The following DOCK9 variants were observed in gnomAD, a reference collection of about 807,000 sequenced individuals.
The protein encoded by DOCK9 is dedicator of cytokinesis 9, also known as dedicator of cytokinesis protein 9.
DOCK9 carries 89 observed loss-of-function variants against 263.3 expected under a neutral mutation model. The observed-to-expected ratio is 0.34, with a 90% CI of 0.28 to 0.40. The LOEUF is 0.40. Ranked by LOEUF, DOCK9 falls within the 10% of genes least tolerant of loss-of-function variation. DOCK9 has a pLI of 1.00. For synonymous variants in DOCK9, 976 were observed against 973.1 expected (o/e 1.00, Z -0.06); for missense variants, 2,140 against 2,603.4 (o/e 0.82, Z 3.87).
intron 39 of DOCK9, among the ~76,000 whole-genome samples, chr13:98,835,733 CTTTTTTTTTTTTTTT>C (rs142745340): frequency 2.1e-4 from 17 of 79,372 alleles, no homozygotes; most frequent in Admixed American, 4.7e-4. Flanking sequence ...CTTTACAACT[CTTTTTTTTTTTTTTT>C]TTTTTTTTTT....
In DOCK9 at chr13:98,888,152, A is replaced by C. The variant is rs3737023; in HGVS notation, c.2043+6T>G. On this transcript the variant is annotated splice_donor_region_variant and intron_variant, in intron 18 of 52. Coordinates refer to ENST00000682017, the MANE Select transcript of DOCK9 (RefSeq NM_001366683.2). ...GTAGGTGAACATATATTAAAAAAAAACAAACCTTAAGGGGCTGAGAGTCTT... is the reference window on the plus strand; with the variant it reads ...GTAGGTGAACATATATTAAAAAAAACCAAACCTTAAGGGGCTGAGAGTCTT... The C allele has an allele frequency of 0.18, 290,441 of 1,577,978 alleles. 28,056 individuals are homozygous for C. Among genetic ancestry groups the C allele is most frequent in the South Asian group, 0.28 (23,775 of 84,190 alleles).
intron 12 of DOCK9, 96 bp downstream of exon 12, chr13:98,902,192 T>C: frequency 7.7e-7 from 1 of 1,302,184 alleles, no homozygotes; most frequent in Non-Finnish European, 1.0e-6. Context: ...TGACCCCACT[T>C]GTGCATTACA....
chr13:98,979,075 C>G (rs1488217778), upstream of DOCK9, among the ~76,000 whole-genome samples: 2 of 152,036 alleles, frequency 1.3e-5, no homozygotes, highest in African/African-American at 4.8e-5. Context: ...TTCCTAGTTA[C>G]TCTGAGTATT....
intron 1 of DOCK9, among the ~76,000 whole-genome samples, chr13:98,983,105 T>G (rs990628097): frequency 6.6e-6 from 1 of 152,186 alleles, no homozygotes; most frequent in Non-Finnish European, 1.5e-5. Context: ...AGAAGGATAC[T>G]TATAACAAAG....
chr13:98,980,460 A>C (rs921651129), upstream of DOCK9, among the ~76,000 whole-genome samples: 2 of 152,254 alleles, frequency 1.3e-5, no homozygotes, highest in Non-Finnish European at 2.9e-5. Flanking sequence ...ACGCTTAACC[A>C]TGATACTATG....
intron 23 of DOCK9, 107 bp downstream of exon 23, chr13:98,882,935 T>C (rs985626891): frequency 2.3e-6 from 2 of 867,096 alleles, no homozygotes; most frequent in East Asian, 5.2e-5. Flanking sequence ...ATGTGAGACA[T>C]CCAGGTAAGA....
At chr13:98,953,478 T>C (rs1345639107) in intron 2 of DOCK9, among the ~76,000 whole-genome samples, 1 of 152,236 alleles carries the variant, frequency 6.6e-6, no homozygotes, top group African/African-American at 2.4e-5. Flanking sequence ...CAACTAACTG[T>C]ATCTCGTTTC....
intron 30 of DOCK9, among the ~76,000 whole-genome samples, chr13:98,865,354 G>A (rs1344487491): frequency 6.6e-6 from 1 of 152,110 alleles, no homozygotes; most frequent in Non-Finnish European, 1.5e-5. Flanking sequence ...TTGTAAGTGC[G>A]AGCCACTGCA....
chr13:99,015,004 T>TCCCC (rs373724003), intron 1 of DOCK9, among the ~76,000 whole-genome samples: 5 of 151,348 alleles, frequency 3.3e-5, no homozygotes, highest in African/African-American at 1.2e-4. Context: ...TTTAAATTTC[T>TCCCC]CCCCCCCGCA....
chr13:99,071,408 T>G lies in DOCK9; in HGVS notation c.129+14815A>C, dbSNP rs1359241323. ...ACCTTGGCCTTCCAAAGTGCTGCAA[T>G]TACAGGCGTGAGTCACTGTGCCCTG... On this transcript the variant is annotated intron_variant, in intron 1 of 32. Transcript: ENST00000427887. Among the ~76,000 whole-genome samples, 6 of 148,366 alleles carry G rather than the reference T, an allele frequency of 4.0e-5. No individual in the cohort carries two copies. In the East Asian group the frequency reaches 1.2e-3, roughly 30 times the overall value.
intron 1 of DOCK9, among the ~76,000 whole-genome samples, chr13:99,072,088 C>A (rs146747593): frequency 1.3e-5 from 2 of 152,312 alleles, no homozygotes; most frequent in South Asian, 4.1e-4. Flanking sequence ...CCTTGATTGG[C>A]TCTGTCATAA....
intron 1 of DOCK9, among the ~76,000 whole-genome samples, chr13:99,085,705 G>T (rs1037297259): frequency 3.9e-4 from 59 of 152,008 alleles, no homozygotes; most frequent in Non-Finnish European, 1.3e-4. Context: ...AGAGGATGCC[G>T]AAGTCCTTCC....
rs1441503371 is a variant in DOCK9 at position 98,891,227 on chromosome 13, A to T, written c.1710-2516T>A. ...CTTGTGGAGCCTCTCTCAGCTTCAC[A>T]TAGAACTCTTCAGGGGCATCAACCT... On this transcript the variant is annotated intron_variant, in intron 15 of 52. Coordinates refer to ENST00000682017, the MANE Select transcript of DOCK9 (RefSeq NM_001366683.2). Among the ~76,000 whole-genome samples, 7 of 152,248 alleles carry T rather than the reference A, an allele frequency of 4.6e-5. No homozygotes were observed. The South Asian group carries it at 1.0e-3, about 23-fold the overall frequency.
chr13:98,986,720 C>T (rs1419229060), intron 1 of DOCK9, among the ~76,000 whole-genome samples: 3 of 152,118 alleles, frequency 2.0e-5, no homozygotes, highest in Non-Finnish European at 4.4e-5. Context: ...CTTAAGAGAC[C>T]GCCAAGAAAT....
At chr13:99,032,458 G>C (rs1458886327) in intron 1 of DOCK9, among the ~76,000 whole-genome samples, 1 of 150,706 alleles carries the variant, frequency 6.6e-6, no homozygotes, top group African/African-American at 2.4e-5. Flanking sequence ...ACTTCAGCCT[G>C]GGCAACAGAG....
intron 1 of DOCK9, among the ~76,000 whole-genome samples, chr13:99,079,162 GC>G (rs922605264): frequency 2.0e-5 from 3 of 152,208 alleles, no homozygotes; most frequent in African/African-American, 7.2e-5. Context: ...AGCCCTCCAA[GC>G]AAAAAGTTTA....
At chr13:99,025,998 C>G (rs1340373264) in intron 1 of DOCK9, among the ~76,000 whole-genome samples, 2 of 122,474 alleles carry the variant, frequency 1.6e-5, no homozygotes, top group Non-Finnish European at 3.5e-5. Flanking sequence ...TATCTAGAGA[C>G]AGAAAGCAGA....
chr13:99,031,466 G>A (rs373308040), intron 1 of DOCK9, among the ~76,000 whole-genome samples: 32 of 152,310 alleles, frequency 2.1e-4, no homozygotes, highest in African/African-American at 6.7e-4. Flanking sequence ...GATAATATAA[G>A]AAGGAATTAA....
In DOCK9 at chr13:98,885,043, G is replaced by T; in HGVS notation, c.2310C>A (p.Ser770Arg). The T allele has an allele frequency of 6.2e-7, 1 of 1,613,590 alleles. No homozygotes were observed. The highest frequency in any genetic ancestry group is 1.3e-5 in the African/African-American group (1 of 74,990). Residue 770 changes from serine (S) to arginine (R), a missense_variant, in exon 21 of 53, where the codon AGC (serine) becomes AGA (arginine). Coordinates refer to ENST00000682017, the MANE Select transcript of DOCK9 (RefSeq NM_001366683.2). ...TCGCCGAGACCGGGATGTGCTGCTC[G>T]CTTGTCACCACCCTTCCGTCTTTCA... ...PLLKDGRVVT[S>R]EQHIPVSANL...
Sources: allele counts gnomAD v4.1 joint callset (sites outside exome capture counted in the v4.1 genomes callset), GRCh38; gene constraint gnomAD v4.1.1; transcripts MANE v1.5; gene names NCBI Gene and HGNC (gene_info 2026-07-23, HGNC 2026-07-21).